Variants in PAK1 observed in about 807,000 individuals in gnomAD.
The protein encoded by PAK1 is serine/threonine-protein kinase PAK 1.
Under a neutral mutation model 67.4 loss-of-function variants are expected in PAK1, and 29 were observed. The observed-to-expected ratio is 0.43, with a 90% CI of 0.32 to 0.59. The LOEUF is 0.59. PAK1 is among the 20% of genes least tolerant of loss of function. PAK1 has a pLI of 0.07. For synonymous variants in PAK1, 223 were observed against 237.4 expected (o/e 0.94, Z 0.56); for missense variants, 337 against 670.7 (o/e 0.50, Z 5.50).
At chr11:77,383,579 C>T (rs1950109226) in intron 2 of PAK1, among the ~76,000 whole-genome samples, 1 of 152,138 alleles carries the variant, frequency 6.6e-6, no homozygotes, top group African/African-American at 2.4e-5. Flanking sequence ...CCCACCTTGG[C>T]CTCCCAAAGT....
At chr11:77,401,891 A>T (rs1228409032) in intron 1 of PAK1, among the ~76,000 whole-genome samples, 1 of 152,190 alleles carries the variant, frequency 6.6e-6, no homozygotes, top group Non-Finnish European at 1.5e-5. Flanking sequence ...TGAATAACTC[A>T]AGGGAAAAAA....
At chr11:77,479,182 C>G (rs1403735832), upstream of PAK1, among the ~76,000 whole-genome samples, 2 of 151,964 alleles carry the variant, frequency 1.3e-5, no homozygotes. Flanking sequence ...CTCTTTCTGG[C>G]CTTTAAGAAG....
At chr11:77,396,449 G>A (rs1317759068) in intron 1 of PAK1, among the ~76,000 whole-genome samples, 1 of 152,110 alleles carries the variant, frequency 6.6e-6, no homozygotes, top group Non-Finnish European at 1.5e-5. Flanking sequence ...GCTAGACATA[G>A]ACTATAAACA....
chr11:77,506,325 T>C, the PAK1 span, among the ~76,000 whole-genome samples: 4 of 152,138 alleles, frequency 2.6e-5, no homozygotes, highest in Non-Finnish European at 5.9e-5. Flanking sequence ...TCCCATGTTA[T>C]AGGTAGGAAA....
intron 8 of PAK1, among the ~76,000 whole-genome samples, chr11:77,351,328 A>G (rs1433534800): frequency 6.6e-6 from 1 of 151,964 alleles, no homozygotes; most frequent in South Asian, 2.1e-4. Flanking sequence ...AAAAAGTCAC[A>G]AAAGTTCTGG....
chr11:77,511,372 A>G, the PAK1 span, among the ~76,000 whole-genome samples: 1 of 152,180 alleles, frequency 6.6e-6, no homozygotes, highest in Non-Finnish European at 1.5e-5. Flanking sequence ...AGGTGAGTCT[A>G]GGAGTCTGTC....
At chr11:77,513,046 C>T in the PAK1 span, among the ~76,000 whole-genome samples, 15 of 152,178 alleles carry the variant, frequency 9.9e-5, no homozygotes, top group East Asian at 7.7e-4. Context: ...GCTATGATGG[C>T]GCCACTGCAC....
the PAK1 span, among the ~76,000 whole-genome samples, chr11:77,485,185 G>A: frequency 7.9e-5 from 12 of 152,276 alleles, no homozygotes; most frequent in Middle Eastern, 3.4e-3. Context: ...GGGTAGAGGT[G>A]GGGGTGAGGG....
chr11:77,372,464 A>T (rs182438656), intron 5 of PAK1, among the ~76,000 whole-genome samples: 1 of 152,350 alleles, frequency 6.6e-6, no homozygotes, highest in East Asian at 1.9e-4. Context: ...AACAGGTTGC[A>T]AGGCACTGAA....
chr11:77,405,674 G>GACACACAC (rs1555167119), intron 1 of PAK1, among the ~76,000 whole-genome samples: 23 of 125,994 alleles, frequency 1.8e-4, no homozygotes, highest in East Asian at 6.5e-4. Flanking sequence ...CAGACAGACA[G>GACACACAC]ACACACACAC....
chr11:77,447,160 G>A (rs1250285632), intron 1 of PAK1, among the ~76,000 whole-genome samples: 1 of 152,186 alleles, frequency 6.6e-6, no homozygotes. Flanking sequence ...GGATGAATCA[G>A]CAGCCCATGC....
chr11:77,334,540 A>T (rs751397750), intron 13 of PAK1, among the ~76,000 whole-genome samples: 95 of 152,358 alleles, frequency 6.2e-4, no homozygotes, highest in Non-Finnish European at 1.2e-3. Flanking sequence ...GCCCACACCA[A>T]GATTACCAAC....
intron 8 of PAK1, 191 bp from the exon 9 acceptor site, chr11:77,349,478 T>G: frequency 1.7e-6 from 1 of 580,162 alleles, no homozygotes; most frequent in Admixed American, 2.7e-5. Context: ...TAGGCTCTAG[T>G]GGCCAGGAGA....
At chr11:77,337,806 G>C (rs1214896684) in intron 11 of PAK1, among the ~76,000 whole-genome samples, 1 of 152,172 alleles carries the variant, frequency 6.6e-6, no homozygotes, top group Non-Finnish European at 1.5e-5. Flanking sequence ...GGTCATATTT[G>C]AGGAAGCAGA....
the PAK1 span, among the ~76,000 whole-genome samples, chr11:77,486,458 C>G: frequency 6.6e-6 from 1 of 152,166 alleles, no homozygotes; most frequent in African/African-American, 2.4e-5. Context: ...AAAAAAATCA[C>G]CTTCATAACA....
At chr11:77,400,952 G>A (rs1952594761) in intron 1 of PAK1, among the ~76,000 whole-genome samples, 1 of 152,234 alleles carries the variant, frequency 6.6e-6, no homozygotes, top group South Asian at 2.1e-4. Flanking sequence ...CTAGTGGGCA[G>A]CAGAGGCAGG....
chr11:77,335,315 T>C (rs917960992), intron 13 of PAK1, among the ~76,000 whole-genome samples: 5 of 152,206 alleles, frequency 3.3e-5, no homozygotes, highest in Admixed American at 6.5e-5. Context: ...CTCCAGACTC[T>C]TAAGCCAAAC....
At chr11:77,524,922 G>T in the PAK1 span, among the ~76,000 whole-genome samples, 1 of 152,178 alleles carries the variant, frequency 6.6e-6, no homozygotes, top group South Asian at 2.1e-4. Flanking sequence ...CCATTTGCTG[G>T]TTGTATCTGT....
chr11:77,324,214 C>T (rs1369184007), intron 14 of PAK1, among the ~76,000 whole-genome samples: 2 of 143,898 alleles, frequency 1.4e-5, no homozygotes, highest in East Asian at 4.2e-4. Context: ...ACTCTGTTGC[C>T]CAGGCTGGAG....
Sources: allele counts gnomAD v4.1 joint callset (sites outside exome capture counted in the v4.1 genomes callset), GRCh38; gene constraint gnomAD v4.1.1; transcripts MANE v1.5; gene names NCBI Gene and HGNC (gene_info 2026-07-23, HGNC 2026-07-21).